The following UNC5D variants were observed in gnomAD, a reference collection of about 807,000 sequenced individuals.
UNC5D encodes the protein netrin receptor UNC5D.
UNC5D carries 39 observed loss-of-function variants against 105.4 expected under a neutral mutation model. That is an observed-to-expected ratio of 0.37 (90% CI 0.29 to 0.48). UNC5D has a LOEUF of 0.48. Among genes scored for constraint, UNC5D ranks in the 20% least tolerant of loss-of-function variants. The pLI, the probability that UNC5D is intolerant of heterozygous loss-of-function variation, is 0.98. For synonymous variants in UNC5D, 452 were observed against 450.4 expected (o/e 1.00, Z -0.04); for missense variants, 991 against 1,202.4 (o/e 0.82, Z 2.60).
At chr8:35,318,458 C>T (rs1809468511) in intron 1 of UNC5D, among the ~76,000 whole-genome samples, 1 of 151,998 alleles carries the variant, frequency 6.6e-6, no homozygotes, top group South Asian at 2.1e-4. Flanking sequence ...TTGAAGCAGG[C>T]CTCACTTTTT....
At chr8:35,596,471 A>G (rs1819500244) in intron 4 of UNC5D, among the ~76,000 whole-genome samples, 1 of 152,194 alleles carries the variant, frequency 6.6e-6, no homozygotes, top group South Asian at 2.1e-4. Context: ...AAGCCCGAAA[A>G]TTTGAGAGAG....
In UNC5D at chr8:35,599,116, C is replaced by T. The variant is rs191717934; in HGVS notation, c.570+3459C>T. ...CAGGATCATGCCACTGCACTCCAGC[C>T]TAGGTGAGTGAGCAAGACTCTGTCT... On this transcript the variant is annotated intron_variant, in intron 4 of 16. Transcript: ENST00000404895. Among the ~76,000 whole-genome samples the T allele has an allele frequency of 2.9e-5, 4 of 135,744 alleles. No homozygotes were observed. The East Asian group carries it at 8.7e-4, about 30-fold the overall frequency. 89.1% of individuals were successfully genotyped at this position (135,744 alleles called of 152,430 possible).
chr8:35,343,481 T>A lies in UNC5D; in HGVS notation c.103+107594T>A, dbSNP rs182413247. Among the ~76,000 whole-genome samples the A allele has an allele frequency of 1.2e-4, 18 of 152,240 alleles. No homozygotes were observed. In the East Asian group the frequency reaches 3.5e-3, roughly 29 times the overall value. ...AGTCCTCTTTTAATTTGGTTTATTG[T>A]TTATAGCTTATCTTTTTTATTGAGG... On this transcript the variant is annotated intron_variant, in intron 1 of 16. Transcript: ENST00000404895.
At chr8:35,542,298 C>T (rs1714255059) in intron 1 of UNC5D, among the ~76,000 whole-genome samples, 1 of 152,156 alleles carries the variant, frequency 6.6e-6, no homozygotes, top group South Asian at 2.1e-4. Context: ...CATATGGAGA[C>T]AAGTCACATT....
chr8:35,782,410 A>G (rs1210474403), intron 16 of UNC5D, among the ~76,000 whole-genome samples: 2 of 152,114 alleles, frequency 1.3e-5, no homozygotes, highest in Admixed American at 6.5e-5. Context: ...CTGGTGCTAT[A>G]TAGTAGGATT....
intron 1 of UNC5D, among the ~76,000 whole-genome samples, chr8:35,383,613 T>C (rs1185474128): frequency 2.6e-5 from 4 of 152,050 alleles, no homozygotes; most frequent in Admixed American, 6.6e-5. Flanking sequence ...GCCGAGTGAG[T>C]GTGGACTGTG....
At chr8:35,614,818 A>T (rs1403995561) in intron 4 of UNC5D, among the ~76,000 whole-genome samples, 1 of 152,152 alleles carries the variant, frequency 6.6e-6, no homozygotes, top group South Asian at 2.1e-4. Flanking sequence ...TTACTGAAAA[A>T]GAAAAGGAAA....
At chr8:35,479,091 G>C (rs1023484101) in intron 1 of UNC5D, among the ~76,000 whole-genome samples, 7 of 152,144 alleles carry the variant, frequency 4.6e-5, no homozygotes, top group African/African-American at 1.4e-4. Flanking sequence ...TTTTCTAACT[G>C]TTAAAAGTTT....
rs1339138456 is a variant in UNC5D, at chr8:35,305,577, T to TTCTTTCTCTTTC, written c.103+69691_103+69692insCTTTCTCTTTCT. On this transcript the variant is annotated intron_variant, in intron 1 of 16. Coordinates refer to ENST00000404895, the MANE Select transcript of UNC5D (RefSeq NM_080872.4). ...TCTCTTCCTTCCTTTCTTTCTTTCT[T>TTCTTTCTCTTTC]TTTCTTTCTTTCTTTCTTTCTTTCT... 1.0e-3 allele frequency among the ~76,000 whole-genome samples: 56 copies of TTCTTTCTCTTTC among 54,026 alleles called. 1 individual carries two copies. The highest frequency in any genetic ancestry group is 3.5e-3 in the African/African-American group (53 of 15,280). The allele number at this position is 54,026 out of a possible 152,430, so 35.4% of individuals were successfully genotyped here.
chr8:35,468,065 A>G (rs1334836742), intron 1 of UNC5D, among the ~76,000 whole-genome samples: 3 of 152,216 alleles, frequency 2.0e-5, no homozygotes, highest in Non-Finnish European at 2.9e-5. Context: ...ATTAAAGCAG[A>G]TATTTACCTG....
chr8:35,582,709 T>C (rs984257505), intron 3 of UNC5D, among the ~76,000 whole-genome samples: 3 of 152,254 alleles, frequency 2.0e-5, no homozygotes, highest in African/African-American at 7.2e-5. Context: ...CTTTTCTTTT[T>C]GACTCTTTTC....
In UNC5D at chr8:35,363,264, G is replaced by T. The variant is rs902294111; in HGVS notation, c.103+127377G>T. 9.9e-5 allele frequency among the ~76,000 whole-genome samples: 15 copies of T among 152,254 alleles called. 1 individual carries two copies. Among genetic ancestry groups the T allele is most frequent in the African/African-American group, 3.1e-4 (13 of 41,548 alleles). ...AAATCATGGTGGAAGGCAAGGAGGA[G>T]CAAGTCACATCTTACATGGATGGCA... On this transcript the variant is annotated intron_variant, in intron 1 of 16. Transcript: ENST00000404895.
chr8:35,463,223 C>A (rs1374304934), intron 1 of UNC5D, among the ~76,000 whole-genome samples: 3 of 152,174 alleles, frequency 2.0e-5, no homozygotes, highest in African/African-American at 7.2e-5. Context: ...TGCTGTATCC[C>A]AGTATCTGTT....
intron 1 of UNC5D, among the ~76,000 whole-genome samples, chr8:35,458,298 G>T (rs1277568658): frequency 6.6e-6 from 1 of 152,042 alleles, no homozygotes; most frequent in Non-Finnish European, 1.5e-5. Context: ...CCAATCATAA[G>T]TTCTTTAATT....
intron 1 of UNC5D, among the ~76,000 whole-genome samples, chr8:35,544,839 G>A (rs1421651046): frequency 6.6e-6 from 1 of 152,076 alleles, no homozygotes; most frequent in Non-Finnish European, 1.5e-5. Context: ...CTGACCTCAG[G>A]TGATCTGCCC....
intron 1 of UNC5D, among the ~76,000 whole-genome samples, chr8:35,428,959 G>A (rs770395555): frequency 3.3e-5 from 5 of 152,010 alleles, no homozygotes; most frequent in East Asian, 1.9e-4. Context: ...TAATTGATTC[G>A]TCATTGAGAA....
At chr8:35,381,924 A>C (rs1229888004) in intron 1 of UNC5D, among the ~76,000 whole-genome samples, 1 of 152,160 alleles carries the variant, frequency 6.6e-6, no homozygotes, top group Non-Finnish European at 1.5e-5. Context: ...TTTCATATTA[A>C]ATCTTCATTA....
At chr8:35,294,376 CTAGA>C (rs1228627451) in intron 1 of UNC5D, among the ~76,000 whole-genome samples, 3 of 152,114 alleles carry the variant, frequency 2.0e-5, no homozygotes, top group African/African-American at 7.2e-5. Context: ...TTAATGGCAT[CTAGA>C]TGCTTATCTG....
intron 16 of UNC5D, among the ~76,000 whole-genome samples, chr8:35,787,254 C>G (rs1802788300): frequency 6.6e-6 from 1 of 152,164 alleles, no homozygotes; most frequent in African/African-American, 2.4e-5. Flanking sequence ...TGTTTGATAG[C>G]AAATACAAAA....
Sources: allele counts gnomAD v4.1 joint callset (sites outside exome capture counted in the v4.1 genomes callset), GRCh38; gene constraint gnomAD v4.1.1; transcripts MANE v1.5; gene names NCBI Gene and HGNC (gene_info 2026-07-23, HGNC 2026-07-21).